The following NAV3 variants were observed in gnomAD, a reference collection of about 807,000 sequenced individuals.
The protein encoded by NAV3 is neuron navigator 3, also known as pore membrane and/or filament interacting like protein 1.
Under a neutral mutation model 244.7 loss-of-function variants are expected in NAV3, and 87 were observed. The ratio of observed to expected loss-of-function variants is 0.36; its 90% CI spans 0.30 to 0.42. NAV3 has a LOEUF of 0.42. NAV3 is among the 20% of genes least tolerant of loss of function. The pLI, the probability that NAV3 is intolerant of heterozygous loss-of-function variation, is 1.00. For synonymous variants in NAV3, 1,126 were observed against 1,042.2 expected, an observed-to-expected ratio of 1.08 and a Z score of -1.55; for missense variants, 2,663 against 2,893.3, an observed-to-expected ratio of 0.92 and a Z score of 1.83.
intron 2 of NAV3, among the ~76,000 whole-genome samples, chr12:77,743,682 G>A (rs1868391604): frequency 6.6e-6 from 1 of 151,588 alleles, no homozygotes; most frequent in Non-Finnish European, 1.5e-5. Context: ...GAAATATACT[G>A]AATGAAAGAA....
intron 5 of NAV3, among the ~76,000 whole-genome samples, chr12:77,993,438 A>ATAT (rs1871789094): frequency 6.6e-6 from 1 of 152,064 alleles, no homozygotes; most frequent in South Asian, 2.1e-4. Context: ...TTACTTTCTG[A>ATAT]TATTATTATT....
At position 77,657,382 on chromosome 12, in the gene NAV3, A is replaced by G. The variant is rs1222156059; in HGVS notation, c.72+85116A>G. Among the ~76,000 whole-genome samples the G allele has an allele frequency of 2.8e-4, 43 of 152,324 alleles. 1 individual carries two copies. In the South Asian group the frequency reaches 8.7e-3, roughly 31 times the overall value. ...AAGAAATGGATAAATTCCTCGACAC[A>G]TACACTCTCCCAAGACTAAACCAGG... On this transcript the variant is annotated intron_variant, in intron 2 of 8. Transcript: ENST00000550042.
chr12:78,034,085 A>C (rs1458399504), intron 9 of NAV3, among the ~76,000 whole-genome samples: 3 of 152,224 alleles, frequency 2.0e-5, no homozygotes, highest in Non-Finnish European at 4.4e-5. Context: ...ACCATTTGTA[A>C]ATGCAATATA....
chr12:77,645,121 C>G (rs56338558), intron 2 of NAV3, among the ~76,000 whole-genome samples: 1 of 152,026 alleles, frequency 6.6e-6, no homozygotes, highest in Non-Finnish European at 1.5e-5. Flanking sequence ...ATCTCAGCTT[C>G]TCAGCTGGCC....
intron 5 of NAV3, among the ~76,000 whole-genome samples, chr12:77,972,124 C>T (rs1893044605): frequency 1.3e-5 from 2 of 152,168 alleles, no homozygotes; most frequent in African/African-American, 4.8e-5. Context: ...TCAGCTCCCT[C>T]TCCACCTTTG....
chr12:77,597,404 AATAAATATTCAAACTCTTT>A lies in NAV3; in HGVS notation c.72+25141_72+25159del, dbSNP rs1870220362. On this transcript the variant is annotated intron_variant, in intron 2 of 8. Transcript: ENST00000550042. ...TCCTCAGTGCAGATGGCAGGTACTC[AATAAATATTCAAACTCTTT>A]ATCTTCTAGGGCATAGACGAGGCTT... 2.6e-5 allele frequency among the ~76,000 whole-genome samples: 4 copies of A among 152,188 alleles called. No homozygotes were observed. In the South Asian group the frequency reaches 8.3e-4, roughly 32 times the overall value.
chr12:77,718,568 G>A (rs1876468170), intron 2 of NAV3, among the ~76,000 whole-genome samples: 1 of 152,008 alleles, frequency 6.6e-6, no homozygotes. Context: ...GGTCCTTTGT[G>A]GTTCCATAAA....
chr12:78,197,449 T>C (rs1212926508), intron 35 of NAV3, 48 bp downstream of exon 35: 8 of 1,453,428 alleles, frequency 5.5e-6, no homozygotes, highest in Admixed American at 2.2e-5. Flanking sequence ...ATAATTATCA[T>C]CAAATTTGCC....
intron 1 of NAV3, among the ~76,000 whole-genome samples, chr12:77,933,895 G>T (rs936639662): frequency 3.3e-5 from 5 of 152,134 alleles, no homozygotes; most frequent in African/African-American, 1.2e-4. Context: ...AACCTTCTTT[G>T]TCCAATGTTG....
At chr12:77,671,125 C>T (rs535456611) in intron 2 of NAV3, among the ~76,000 whole-genome samples, 38 of 152,158 alleles carry the variant, frequency 2.5e-4, no homozygotes, top group African/African-American at 8.9e-4. Context: ...CAAATCATAG[C>T]TCCACTATAC....
Position 77,656,871 on chromosome 12 carries a change from C to T in NAV3, c.72+84605C>T, listed in dbSNP as rs1207134683. ...TCCTGAATGACTACTGGGTACATAACAAAATGAAGGCAGAAATAAAGATGT... is the reference window on the plus strand; with the variant it reads ...TCCTGAATGACTACTGGGTACATAATAAAATGAAGGCAGAAATAAAGATGT... On this transcript the variant is annotated intron_variant, in intron 2 of 8. Coordinates refer to the NAV3 transcript ENST00000550042. 8.6e-4 allele frequency among the ~76,000 whole-genome samples: 131 copies of T among 152,012 alleles called. 1 individual carries two copies. The highest frequency in any genetic ancestry group is 2.9e-3 in the African/African-American group (121 of 41,442).
At chr12:78,052,947 G>A (rs904506785) in intron 11 of NAV3, among the ~76,000 whole-genome samples, 4 of 151,752 alleles carry the variant, frequency 2.6e-5, no homozygotes, top group African/African-American at 4.8e-5. Flanking sequence ...GGCTGGGCAC[G>A]GTGGCTCATG....
At chr12:78,067,092 T>G (rs1192266474) in intron 12 of NAV3, among the ~76,000 whole-genome samples, 1 of 152,122 alleles carries the variant, frequency 6.6e-6, no homozygotes, top group Admixed American at 6.6e-5. Flanking sequence ...AGATTTTTCC[T>G]AAGCCGCCAA....
intron 2 of NAV3, among the ~76,000 whole-genome samples, chr12:77,580,829 C>G (rs1001433738): frequency 3.9e-5 from 6 of 152,272 alleles, no homozygotes; most frequent in African/African-American, 1.2e-4. Context: ...TAATTATAGA[C>G]TCTAGTGGCA....
chr12:78,151,240 A>G (rs1475916236), intron 22 of NAV3, among the ~76,000 whole-genome samples: 1 of 152,060 alleles, frequency 6.6e-6, no homozygotes, highest in South Asian at 2.1e-4. Context: ...CGCTGATGGG[A>G]GACTGATATA....
intron 1 of NAV3, among the ~76,000 whole-genome samples, chr12:77,833,337 A>G (rs1259073849): frequency 6.6e-6 from 1 of 152,210 alleles, no homozygotes; most frequent in East Asian, 1.9e-4. Context: ...TAATGAATCA[A>G]TGAATGAATA....
intron 7 of NAV3, among the ~76,000 whole-genome samples, chr12:78,005,953 G>A (rs1036011691): frequency 1.6e-4 from 25 of 151,946 alleles, no homozygotes; most frequent in Middle Eastern, 3.2e-3. Context: ...CTGTCATCCA[G>A]GCTGGAGGGC....
chr12:77,804,854 G>C (rs1871891472), intron 2 of NAV3, among the ~76,000 whole-genome samples: 1 of 152,106 alleles, frequency 6.6e-6, no homozygotes. Context: ...TCCTTGAACA[G>C]TGGTTTATTG....
intron 12 of NAV3, among the ~76,000 whole-genome samples, chr12:78,096,683 G>T (rs541482174): frequency 6.6e-6 from 1 of 151,986 alleles, no homozygotes; most frequent in Non-Finnish European, 1.5e-5. Context: ...AGGAAAACCC[G>T]CCCCCTCAAT....
Sources: gnomAD v4.1 joint callset for allele counts (sites outside exome capture counted in the v4.1 genomes callset) on GRCh38, gnomAD v4.1.1 for gene constraint, MANE v1.5 for transcripts, NCBI Gene and HGNC (gene_info 2026-07-23, HGNC 2026-07-21) for gene names.